The following PCMTD1 variants were observed in gnomAD, a reference collection of about 807,000 sequenced individuals.
The protein encoded by PCMTD1 is protein-L-isoaspartate O-methyltransferase domain-containing protein 1.
PCMTD1 carries 12 observed loss-of-function variants against 37.6 expected under a neutral mutation model. That is an observed-to-expected ratio of 0.32 (90% CI 0.20 to 0.52). The LOEUF is 0.52. Among genes scored for constraint, PCMTD1 ranks in the 20% least tolerant of loss-of-function variants. The pLI, the probability that PCMTD1 is intolerant of heterozygous loss-of-function variation, is 0.97. For missense variants in PCMTD1, 235 were observed against 421.3 expected (o/e 0.56, Z 3.87); for synonymous variants, 117 against 135.8 (o/e 0.86, Z 0.96).
chr8:51,857,312 T>C (rs1277290321), intron 2 of PCMTD1, among the ~76,000 whole-genome samples: 2 of 152,184 alleles, frequency 1.3e-5, no homozygotes, highest in Non-Finnish European at 2.9e-5. Flanking sequence ...ACTAGGGAAA[T>C]AGGCAAGAGA....
At chr8:51,898,360 A>G (rs1359005895) in intron 1 of PCMTD1, among the ~76,000 whole-genome samples, 55 of 152,212 alleles carry the variant, frequency 3.6e-4, no homozygotes, top group African/African-American at 1.2e-3. Context: ...CCGGAACGGT[A>G]GTAGACGCTC....
At chr8:51,863,795 C>T (rs941048929) in intron 1 of PCMTD1, among the ~76,000 whole-genome samples, 4 of 152,036 alleles carry the variant, frequency 2.6e-5, no homozygotes, top group African/African-American at 9.7e-5. Context: ...GGTGTGGTGG[C>T]ACACAGCTGT....
intron 1 of PCMTD1, among the ~76,000 whole-genome samples, chr8:51,875,904 C>T (rs1358069361): frequency 6.6e-6 from 1 of 152,128 alleles, no homozygotes; most frequent in African/African-American, 2.4e-5. Flanking sequence ...TGCACTCCAA[C>T]ATGGGTAACA....
upstream of PCMTD1, chr8:51,899,094 C>G: frequency 6.8e-7 from 1 of 1,471,662 alleles, no homozygotes; most frequent in Non-Finnish European, 9.0e-7. Context: ...GACTCCGGAG[C>G]CGCCGGGGTC....
chr8:51,873,644 T>C (rs186143002), intron 1 of PCMTD1, among the ~76,000 whole-genome samples: 186 of 152,216 alleles, frequency 1.2e-3, no homozygotes, highest in Admixed American at 3.1e-3. Flanking sequence ...CTTGGTGCTG[T>C]CCTCATGATA....
chr8:51,827,294 G>A (rs1585785637), intron 5 of PCMTD1: 2 of 1,259,920 alleles, frequency 1.6e-6, no homozygotes, highest in East Asian at 5.7e-5. Context: ...AGAATTTCAA[G>A]TACAGTAGTC....
chr8:51,885,392 G>A (rs1446132811), intron 1 of PCMTD1, among the ~76,000 whole-genome samples: 6 of 152,184 alleles, frequency 3.9e-5, no homozygotes, highest in East Asian at 1.9e-4. Flanking sequence ...AGTACTGAGG[G>A]TGGCAGTTAC....
chr8:51,860,721 A>G, intron 2 of PCMTD1, 124 bp downstream of exon 2: 1 of 797,826 alleles, frequency 1.3e-6, no homozygotes. Flanking sequence ...TAAGTAAGGA[A>G]GATACCTACA....
chr8:51,863,027 C>CTTT lies in PCMTD1; in HGVS notation c.-95-1784_-95-1782dup, dbSNP rs34284265. Among the ~76,000 whole-genome samples the CTTT allele has an allele frequency of 3.3e-3, 492 of 147,910 alleles. 1 individual carries two copies. The highest frequency in any genetic ancestry group is 6.8e-3 in the Middle Eastern group (2 of 292). ...TGAGTCCAATTGTAGCATTTCAATA[C>CTTT]TTTTTTTTTTTTTAATAACATGGCC... On this transcript the variant is annotated intron_variant, in intron 1 of 5. Coordinates refer to ENST00000522514, the MANE Select transcript of PCMTD1 (RefSeq NM_052937.4).
At chr8:51,875,630 G>C (rs373338707) in intron 1 of PCMTD1, among the ~76,000 whole-genome samples, 1 of 152,118 alleles carries the variant, frequency 6.6e-6, no homozygotes, top group South Asian at 2.1e-4. Context: ...AAAATTACAC[G>C]TAAGTAAAGG....
rs891019464 is a variant in PCMTD1, at chr8:51,849,936, T to C, written c.308-4173A>G. 5 of 639,304 alleles carry C rather than the reference T, an allele frequency of 7.8e-6. No homozygotes were observed. In the East Asian group the frequency reaches 1.1e-4, roughly 14 times the overall value. 39.6% of individuals were successfully genotyped at this position (639,304 alleles called of 1,614,324 possible). A position where few individuals can be genotyped will look rare whatever the true frequency, so the allele number is the denominator to read the frequency against. ...GAAACCTGAGAGTTCCACACTGCATTTGAATGAAGTTCACTGTGCCTTTAG... is the reference window on the plus strand; with the variant it reads ...GAAACCTGAGAGTTCCACACTGCATCTGAATGAAGTTCACTGTGCCTTTAG... On this transcript the variant is annotated intron_variant, in intron 2 of 5. Transcript: ENST00000522514.
rs925423287 is a variant in PCMTD1, at chr8:51,897,548, T to C, written c.-96+1382A>G. Among the ~76,000 whole-genome samples the C allele has an allele frequency of 7.9e-5, 12 of 152,230 alleles. No individual in the cohort carries two copies. In the South Asian group the frequency reaches 8.3e-4, roughly 10 times the overall value. ...TAAAAAAAACCAAAAAGTAAACTAA[T>C]TCAGCAACTTTATGTTTTATGGAGT... On this transcript the variant is annotated intron_variant, in intron 1 of 5. Transcript: ENST00000522514.
chr8:51,863,602 C>T (rs1048652282), intron 1 of PCMTD1, among the ~76,000 whole-genome samples: 4 of 152,168 alleles, frequency 2.6e-5, no homozygotes, highest in Admixed American at 1.3e-4. Context: ...GCCTGGCCAG[C>T]ATGGCGAAAT....
chr8:51,850,508 T>TA (rs1186212474), intron 2 of PCMTD1, among the ~76,000 whole-genome samples: 9 of 152,306 alleles, frequency 5.9e-5, no homozygotes, highest in African/African-American at 2.2e-4. Flanking sequence ...CAGATAATCC[T>TA]AACATGCAAC....
intron 1 of PCMTD1, among the ~76,000 whole-genome samples, chr8:51,888,611 G>A (rs1383806578): frequency 6.6e-6 from 1 of 152,086 alleles, no homozygotes; most frequent in African/African-American, 2.4e-5. Context: ...TTTACCATTG[G>A]CCATTAACCT....
In PCMTD1 at chr8:51,819,667, T is replaced by C. The variant is rs2037815470; in HGVS notation, c.*684A>G. On this transcript the variant is annotated 3_prime_UTR_variant, in exon 6 of 6. Transcript: ENST00000522514. Reference sequence around the variant, plus strand: ...AAAGAGTTGTATTAAGTATAGACTTTGTTTTAATAATTCACTTGCTGTGCT... The same window carrying C: ...AAAGAGTTGTATTAAGTATAGACTTCGTTTTAATAATTCACTTGCTGTGCT... 6.6e-6 allele frequency: 1 copy of C among 152,668 alleles called. No homozygotes were observed. Among genetic ancestry groups the C allele is most frequent in the South Asian group, 2.1e-4 (1 of 4,836 alleles). The allele number at this position is 152,668 out of a possible 1,614,324, so 9.5% of individuals were successfully genotyped here.
At chr8:51,889,135 A>G (rs1040352090) in intron 1 of PCMTD1, among the ~76,000 whole-genome samples, 1 of 152,142 alleles carries the variant, frequency 6.6e-6, no homozygotes, top group African/African-American at 2.4e-5. Flanking sequence ...TGCCTACAAT[A>G]TTGGTAAGAG....
At chr8:51,842,585 A>C (rs957197345) in intron 3 of PCMTD1, among the ~76,000 whole-genome samples, 2 of 151,298 alleles carry the variant, frequency 1.3e-5, no homozygotes, top group Admixed American at 1.3e-4. Flanking sequence ...TTGGCCTCCC[A>C]AAGTGCTATG....
chr8:51,851,587 A>G (rs1233654424), intron 2 of PCMTD1, among the ~76,000 whole-genome samples: 1 of 152,224 alleles, frequency 6.6e-6, no homozygotes, highest in Non-Finnish European at 1.5e-5. Context: ...CAATAAGCTG[A>G]GAATAAGGTA....
Sources: gnomAD v4.1 joint callset for allele counts (sites outside exome capture counted in the v4.1 genomes callset) on GRCh38, gnomAD v4.1.1 for gene constraint, MANE v1.5 for transcripts, NCBI Gene and HGNC (gene_info 2026-07-23, HGNC 2026-07-21) for gene names.